The following OR2T35 variants were observed in gnomAD, a reference collection of about 807,000 sequenced individuals.
OR2T35 encodes olfactory receptor 2T35.
For missense variants in OR2T35, 47 were observed against 278.8 expected, an observed-to-expected ratio of 0.17 and a Z score of 5.92; for synonymous variants, 18 against 110.2, an observed-to-expected ratio of 0.16 and a Z score of 5.24.
At chr1:248,645,102 TAGAAG>T (rs1312619046) in intron 1 of OR2T35, 140 bp downstream of exon 1, 1 of 103,294 alleles carries the variant, frequency 9.7e-6, no homozygotes, top group African/African-American at 3.1e-5. Flanking sequence ...AGGCATAAGA[TAGAAG>T]AGGTTTGCTT....
At chr1:248,645,204 TCA>T (rs1660846942) in intron 1 of OR2T35, 41 bp downstream of exon 1, 1 of 129,934 alleles carries the variant, frequency 7.7e-6, no homozygotes, top group African/African-American at 2.7e-5. Context: ...AGAAATTAGT[TCA>T]GTTTGATGAA....
rs1395667882 is a variant in OR2T35, at chr1:248,644,404, G to GA, written c.-23+842dup. On this transcript the variant is annotated intron_variant, in intron 1 of 1. Transcript: ENST00000641268. The stretch of plus-strand genomic sequence containing the variant: ...GTTAAACAGTGCAATAGTAGAGAGG[G>GA]AAACCGGTCTGATTCCGAAACTCGA... 5.3e-5 allele frequency among the ~76,000 whole-genome samples: 6 copies of GA among 112,244 alleles called. No individual in the cohort carries two copies. The East Asian group carries it at 1.7e-3, about 32-fold the overall frequency. 73.6% of individuals were successfully genotyped at this position (112,244 alleles called of 152,430 possible).
intron 1 of OR2T35, among the ~76,000 whole-genome samples, chr1:248,641,697 TA>T (rs3033658): frequency 0.043 from 2,498 of 58,698 alleles, 345 homozygotes; most frequent in East Asian, 0.12. Flanking sequence ...GAGACCGTGT[TA>T]AAAAAAAAAA....
At chr1:248,641,804 T>C (rs558379667) in intron 1 of OR2T35, among the ~76,000 whole-genome samples, 118 of 82,242 alleles carry the variant, frequency 1.4e-3, no homozygotes, top group African/African-American at 3.3e-3. Flanking sequence ...GGTGTGTGCA[T>C]CTGTGAGTGG....
chr1:248,638,176 T>C lies in OR2T35; in HGVS notation c.*111A>G, dbSNP rs144293439. ...TATTGGCCGCAGCACCGCAGATGTT[T>C]GCACTAGTCCCTGCTAGTCCTTCCT... On this transcript the variant is annotated 3_prime_UTR_variant, in exon 2 of 2. Transcript: ENST00000641268. 1,343 of 799,312 alleles carry C rather than the reference T, an allele frequency of 1.7e-3. 17 individuals are homozygous for C. The African/African-American group carries it at 0.018, about 11-fold the overall frequency. 49.5% of individuals were successfully genotyped at this position (799,312 alleles called of 1,614,324 possible).
At chr1:248,641,580 G>A (rs183058651) in intron 1 of OR2T35, among the ~76,000 whole-genome samples, 1 of 82,724 alleles carries the variant, frequency 1.2e-5, no homozygotes, top group African/African-American at 3.0e-5. Flanking sequence ...GGATAAGAAC[G>A]TTTTCAACCC....
At chr1:248,642,216 C>CAAAAAAAAAA (rs61189391) in intron 1 of OR2T35, among the ~76,000 whole-genome samples, 44 of 53,632 alleles carry the variant, frequency 8.2e-4, no homozygotes, top group Middle Eastern at 0.015. Flanking sequence ...CTAGTCTTTC[C>CAAAAAAAAAA]AAAAAAAAAA....
intron 1 of OR2T35, among the ~76,000 whole-genome samples, chr1:248,641,746 ATGTG>A (rs561839041): frequency 1.2e-5 from 1 of 82,042 alleles, no homozygotes; most frequent in African/African-American, 2.9e-5. Flanking sequence ...TTGTGCGTAC[ATGTG>A]TGTGTAGTGT....
intron 1 of OR2T35, among the ~76,000 whole-genome samples, chr1:248,642,231 AAAAAG>A (rs1660795700): frequency 3.5e-5 from 2 of 56,564 alleles, no homozygotes; most frequent in Non-Finnish European, 6.1e-5. Flanking sequence ...AAAAAAAAAA[AAAAAG>A]AAAAAGAAAA....
chr1:248,639,474 A>C (rs1660763507), intron 1 of OR2T35, among the ~76,000 whole-genome samples, 194 bp from the exon 2 acceptor site: 1 of 151,758 alleles, frequency 6.6e-6, no homozygotes. Flanking sequence ...CAATTTCATC[A>C]TCTGTGAAAG....
rs1255164152 is a variant in OR2T35 at position 248,643,249 on chromosome 1, CTA to C, written c.-23+1996_-23+1997del. Among the ~76,000 whole-genome samples, 433 of 50,116 alleles carry C rather than the reference CTA, an allele frequency of 8.6e-3. 2 individuals carry two copies. The highest frequency in any genetic ancestry group is 0.034 in the African/African-American group (403 of 11,942). 32.9% of individuals were successfully genotyped at this position (50,116 alleles called of 152,430 possible). ...AGAATGGCATGTCACCAACATGTTA[CTA>C]ATCCTAAGTGCCACATAGCTCTAAG... On this transcript the variant is annotated intron_variant, in intron 1 of 1. Transcript: ENST00000641268.
intron 1 of OR2T35, among the ~76,000 whole-genome samples, chr1:248,641,622 G>A (rs1660783599): frequency 1.3e-5 from 1 of 79,932 alleles, no homozygotes; most frequent in Non-Finnish European, 3.5e-5. Context: ...GATCCCAGAA[G>A]AGGAGAGTAA....
rs1258705069 is a variant in OR2T35 at position 248,642,230 on chromosome 1, A to AAAG, written c.-22-2951_-22-2950insCTT. Among the ~76,000 whole-genome samples the AAAG allele has an allele frequency of 1.3e-4, 7 of 52,668 alleles. No individual in the cohort carries two copies. The East Asian group carries it at 3.6e-3, about 27-fold the overall frequency. The allele number at this position is 52,668 out of a possible 152,430, so 34.6% of individuals were successfully genotyped here. On this transcript the variant is annotated intron_variant, in intron 1 of 1. Transcript: ENST00000641268. ...ACTAGTCTTTCCAAAAAAAAAAAAA[A>AAAG]AAAAAGAAAAAGAAAAAGAAAAAGC...
At chr1:248,644,628 G>A (rs1429410384) in intron 1 of OR2T35, among the ~76,000 whole-genome samples, 3 of 144,224 alleles carry the variant, frequency 2.1e-5, no homozygotes, top group African/African-American at 5.1e-5. Context: ...ACTCAGCGTC[G>A]AGAAATAAGG....
At chr1:248,644,129 TGA>T (rs1660823840) in intron 1 of OR2T35, among the ~76,000 whole-genome samples, 1 of 39,804 alleles carries the variant, frequency 2.5e-5, no homozygotes, top group Non-Finnish European at 8.4e-5. Flanking sequence ...ATTTAAAATT[TGA>T]GATTTTTCAT....
chr1:248,642,216 C>CAAAAAAAAAAAAAAAAAAAA (rs61189391), intron 1 of OR2T35, among the ~76,000 whole-genome samples: 1 of 53,660 alleles, frequency 1.9e-5, no homozygotes, highest in Non-Finnish European at 5.9e-5. Context: ...CTAGTCTTTC[C>CAAAAAAAAAAAAAAAAAAAA]AAAAAAAAAA....
intron 1 of OR2T35, among the ~76,000 whole-genome samples, chr1:248,644,873 TAATC>T (rs1242907611): frequency 4.3e-5 from 6 of 138,356 alleles, no homozygotes; most frequent in Admixed American, 4.3e-4. Flanking sequence ...CTTCCTACAT[TAATC>T]AGATTTTATC....
In OR2T35 at chr1:248,638,551, T is replaced by G; in HGVS notation, c.708A>C (p.Lys236Asn). The change falls in exon 2 of 2, where the codon AAA (lysine) becomes AAC (asparagine). Residue 236 changes from lysine to asparagine, a missense_variant. By Grantham distance (94) the Lys-to-Asn change is moderately conservative (BLOSUM62 0). Coordinates refer to ENST00000641268, the MANE Select transcript of OR2T35 (RefSeq NM_001001827.2). ...HRMNSAEGRRKAFATCSSHIM... is the reference protein window; with the variant it reads ...HRMNSAEGRRNAFATCSSHIM... ...TGTGGGAGGAACACGTAGCAAAGGC[T>G]TTGCGCCGGCCCTCAGCAGAGTTCA... The G allele has an allele frequency of 6.4e-7, 1 of 1,553,248 alleles. No individual in the cohort carries two copies. Among genetic ancestry groups the G allele is most frequent in the Non-Finnish European group, 8.8e-7 (1 of 1,140,888 alleles).
At chr1:248,645,123 A>AG (rs1491201402) in intron 1 of OR2T35, 124 bp downstream of exon 1, 1 of 14,920 alleles carries the variant, frequency 6.7e-5, no homozygotes, top group Non-Finnish European at 5.1e-4. Context: ...TGCTTGGCTT[A>AG]AAAAAAAAAC....
Sources: allele counts gnomAD v4.1 joint callset (sites outside exome capture counted in the v4.1 genomes callset), GRCh38; gene constraint gnomAD v4.1.1; transcripts MANE v1.5; gene names NCBI Gene and HGNC (gene_info 2026-07-23, HGNC 2026-07-21).